Variants in KIAA1217 observed in about 807,000 individuals in gnomAD.
The protein encoded by KIAA1217 is sickle tail protein homolog.
Under a neutral mutation model 163.9 loss-of-function variants are expected in KIAA1217, and 88 were observed. The observed-to-expected ratio is 0.54, with a 90% CI of 0.45 to 0.64. The LOEUF is 0.64. KIAA1217 is among the 30% of genes least tolerant of loss of function. The pLI is 0.00. For synonymous variants in KIAA1217, 903 were observed against 923.1 expected, an observed-to-expected ratio of 0.98 and a Z score of 0.39; for missense variants, 2,372 against 2,475.0, an observed-to-expected ratio of 0.96 and a Z score of 0.88.
chr10:23,902,830 C>T (rs1317305488), intron 1 of KIAA1217, among the ~76,000 whole-genome samples: 4 of 152,098 alleles, frequency 2.6e-5, no homozygotes, highest in Non-Finnish European at 4.4e-5. Context: ...GAGTGCAGTT[C>T]ATCTTAAGGT....
At chr10:23,783,397 T>C (rs1473646547) in intron 1 of KIAA1217, among the ~76,000 whole-genome samples, 1 of 152,218 alleles carries the variant, frequency 6.6e-6, no homozygotes, top group Non-Finnish European at 1.5e-5. Context: ...CAACCTTGCA[T>C]CCTAGGGATG....
chr10:24,209,388 G>T (rs2067788781), intron 1 of KIAA1217, 125 bp downstream of exon 1: 1 of 702,856 alleles, frequency 1.4e-6, no homozygotes, highest in African/African-American at 1.8e-5. Flanking sequence ...AATTTCTTGG[G>T]ATGGTACATT....
At chr10:24,445,955 C>T (rs1592005225) in intron 5 of KIAA1217, among the ~76,000 whole-genome samples, 2 of 152,308 alleles carry the variant, frequency 1.3e-5, no homozygotes, top group Middle Eastern at 6.8e-3. Flanking sequence ...GGAATCGCCA[C>T]ACCAACTTCC....
chr10:24,246,209 C>T (rs976669956), intron 2 of KIAA1217, among the ~76,000 whole-genome samples: 3 of 152,126 alleles, frequency 2.0e-5, no homozygotes, highest in Non-Finnish European at 2.9e-5. Context: ...GTGTTTATGA[C>T]GGTCAGAAGA....
intron 2 of KIAA1217, among the ~76,000 whole-genome samples, chr10:24,010,126 C>T (rs61142542): frequency 0.01 from 1,571 of 152,072 alleles, 31 homozygotes; most frequent in African/African-American, 0.036. Flanking sequence ...CATGTTCTAG[C>T]TTCCCATCCT....
intron 1 of KIAA1217, among the ~76,000 whole-genome samples, chr10:23,861,496 T>C (rs543223263): frequency 6.6e-6 from 1 of 152,314 alleles, no homozygotes; most frequent in Admixed American, 6.5e-5. Context: ...GTCACATGCT[T>C]TAAAATGGAG....
chr10:24,325,593 C>G (rs2044763830), intron 2 of KIAA1217, among the ~76,000 whole-genome samples: 1 of 152,180 alleles, frequency 6.6e-6, no homozygotes, highest in Non-Finnish European at 1.5e-5. Context: ...AATAGATTGT[C>G]TTAAACTTCT....
chr10:24,065,565 T>G (rs2060907354), intron 2 of KIAA1217, among the ~76,000 whole-genome samples: 1 of 152,202 alleles, frequency 6.6e-6, no homozygotes, highest in South Asian at 2.1e-4. Context: ...CTTCCAACTA[T>G]GTGGTCAATT....
At chr10:24,474,493 T>C (rs2063807895) in intron 6 of KIAA1217, among the ~76,000 whole-genome samples, 1 of 152,230 alleles carries the variant, frequency 6.6e-6, no homozygotes, top group South Asian at 2.1e-4. Flanking sequence ...GCAGTTTGTG[T>C]TTTTCCTTGT....
intron 1 of KIAA1217, among the ~76,000 whole-genome samples, chr10:23,934,590 T>C (rs1315704073): frequency 1.4e-5 from 1 of 70,298 alleles, no homozygotes; most frequent in Non-Finnish European, 2.3e-5. Context: ...TATATATATA[T>C]GTATATATAT....
At chr10:24,224,179 T>C (rs1479365719) in intron 2 of KIAA1217, among the ~76,000 whole-genome samples, 1 of 152,186 alleles carries the variant, frequency 6.6e-6, no homozygotes, top group African/African-American at 2.4e-5. Flanking sequence ...AGGACTCTTA[T>C]CAGCATAACC....
At chr10:24,389,559 A>AG (rs952695066) in intron 3 of KIAA1217, among the ~76,000 whole-genome samples, 11 of 152,054 alleles carry the variant, frequency 7.2e-5, no homozygotes, top group South Asian at 6.2e-4. Flanking sequence ...ATAAAAAAAA[A>AG]AAAGAAAGAA....
At chr10:24,027,112 G>T (rs1847986549) in intron 2 of KIAA1217, among the ~76,000 whole-genome samples, 1 of 151,950 alleles carries the variant, frequency 6.6e-6, no homozygotes, top group South Asian at 2.1e-4. Flanking sequence ...TGTTATCAGA[G>T]AAAATATTCC....
chr10:23,968,543 T>A (rs1845168938), intron 1 of KIAA1217, among the ~76,000 whole-genome samples: 1 of 152,194 alleles, frequency 6.6e-6, no homozygotes, highest in African/African-American at 2.4e-5. Context: ...GTATTTAGTC[T>A]ATCCACAGAG....
intron 2 of KIAA1217, among the ~76,000 whole-genome samples, chr10:24,312,309 T>TA (rs1228932678): frequency 0.042 from 5,513 of 131,072 alleles, 144 homozygotes; most frequent in East Asian, 0.14. Flanking sequence ...GTCATAGATT[T>TA]AAAAAAAAAA....
At chr10:24,324,344 A>G (rs1309515203) in intron 2 of KIAA1217, among the ~76,000 whole-genome samples, 1 of 152,196 alleles carries the variant, frequency 6.6e-6, no homozygotes, top group Non-Finnish European at 1.5e-5. Context: ...AGGTGGGTGG[A>G]TCGCTTGAGG....
intron 1 of KIAA1217, among the ~76,000 whole-genome samples, chr10:23,860,039 G>T (rs980270753): frequency 6.6e-6 from 1 of 151,992 alleles, no homozygotes; most frequent in African/African-American, 2.4e-5. Flanking sequence ...TGTATAGGAG[G>T]GCTGAGAGCG....
chr10:23,970,995 A>G (rs1845291352), intron 1 of KIAA1217, among the ~76,000 whole-genome samples: 1 of 152,174 alleles, frequency 6.6e-6, no homozygotes. Context: ...AAAGGAAATA[A>G]AGTGCACTTG....
intron 1 of KIAA1217, among the ~76,000 whole-genome samples, chr10:23,820,711 G>T (rs183179224): frequency 6.6e-6 from 1 of 152,208 alleles, no homozygotes; most frequent in South Asian, 2.1e-4. Flanking sequence ...TGGGGCTAAA[G>T]AGAGTGGGAT....
Sources: gnomAD v4.1 joint callset for allele counts (sites outside exome capture counted in the v4.1 genomes callset) on GRCh38, gnomAD v4.1.1 for gene constraint, MANE v1.5 for transcripts, NCBI Gene and HGNC (gene_info 2026-07-23, HGNC 2026-07-21) for gene names.